CRYL1: variants seen among roughly 807,000 people sequenced by gnomAD.
The protein encoded by CRYL1 is lambda-crystallin homolog.
A neutral mutation model predicts 36.6 loss-of-function variants in CRYL1; 29 were observed. The observed-to-expected ratio is 0.79, with a 90% CI of 0.59 to 1.08. The LOEUF (loss-of-function observed/expected upper bound fraction) is 1.08, where lower values mean the gene tolerates loss of function less well. CRYL1 is among the 50% of genes least tolerant of loss of function. The pLI is 0.00. For synonymous variants in CRYL1, 152 were observed against 151.5 expected (o/e 1.00, Z -0.02); for missense variants, 411 against 407.9 (o/e 1.01, Z -0.06).
rs1565983712 is a variant in CRYL1, at chr13:20,497,390, CTACACACACACCACCACACACACAACTA to C, written c.150-7922_150-7895del. Among the ~76,000 whole-genome samples the C allele has an allele frequency of 4.5e-3, 19 of 4,202 alleles. 1 individual carries two copies. Among genetic ancestry groups the C allele is most frequent in the Admixed American group, 0.014 (3 of 210 alleles). 2.8% of individuals were successfully genotyped at this position (4,202 alleles called of 152,430 possible). ...CAACTACACACACCGCATATACACA[CTACACACACACCACCACACACACAACTA>C]CACACACACCACCATACACACAACT... is the stretch of plus-strand genomic sequence containing the variant. On this transcript the variant is annotated intron_variant, in intron 2 of 7. Transcript: ENST00000298248.
At chr13:20,496,987 A>G (rs981509652) in intron 2 of CRYL1, among the ~76,000 whole-genome samples, 2 of 152,168 alleles carry the variant, frequency 1.3e-5, no homozygotes, top group African/African-American at 4.8e-5. Flanking sequence ...GAAAGCTAAA[A>G]CTTAGGCATG....
chr13:20,496,377 A>T (rs966308899), intron 2 of CRYL1, among the ~76,000 whole-genome samples: 1 of 152,348 alleles, frequency 6.6e-6, no homozygotes, highest in African/African-American at 2.4e-5. Context: ...TAAAATGGCA[A>T]AGATGGCCAA....
intron 3 of CRYL1, among the ~76,000 whole-genome samples, chr13:20,487,226 T>C (rs552170998): frequency 6.7e-6 from 1 of 148,928 alleles, no homozygotes; most frequent in East Asian, 2.0e-4. Context: ...ATTTATAAAG[T>C]AGCTATAGAA....
At chr13:20,484,062 C>T (rs1011635711) in intron 3 of CRYL1, among the ~76,000 whole-genome samples, 10 of 152,164 alleles carry the variant, frequency 6.6e-5, no homozygotes, top group Admixed American at 1.3e-4. Context: ...GTGATCTGCC[C>T]GCCTTGGCCT....
intron 5 of CRYL1, among the ~76,000 whole-genome samples, chr13:20,423,432 ACTT>A (rs1339228909): frequency 2.0e-5 from 3 of 152,158 alleles, no homozygotes; most frequent in Admixed American, 1.3e-4. Flanking sequence ...GTTGAGGAAC[ACTT>A]CTTCTATATC....
intron 3 of CRYL1, among the ~76,000 whole-genome samples, chr13:20,475,505 A>T (rs918500802): frequency 1.3e-5 from 2 of 152,186 alleles, no homozygotes; most frequent in Admixed American, 1.3e-4. Context: ...TTGGGGGTGG[A>T]GAGTGGGTAT....
rs548301800 is a variant in CRYL1 at position 20,415,537 on chromosome 13, G to A, written c.634-2150C>T. Among the ~76,000 whole-genome samples the A allele has an allele frequency of 1.3e-5, 2 of 152,314 alleles. No homozygotes were observed. The highest frequency in any genetic ancestry group is 2.4e-5 in the African/African-American group (1 of 41,582). On this transcript the variant is annotated intron_variant, in intron 5 of 7. Transcript: ENST00000298248. The surrounding 1 kb of genome is among the most constrained non-coding windows in gnomAD (Gnocchi z 4.1). ...CAGCCACGCCACCACCGGCGAGGGC[G>A]AGGGCCAGGGCCACTCACTGTGACC...
chr13:20,430,574 CA>C (rs2032037095), intron 5 of CRYL1: 1 of 985,316 alleles, frequency 1.0e-6, no homozygotes, highest in African/African-American at 1.7e-5. Flanking sequence ...CCTCCAGCAG[CA>C]AAAGGAAACA....
In CRYL1 at chr13:20,507,762, T is replaced by TA. The variant is rs201842888; in HGVS notation, c.149+4680dup. On this transcript the variant is annotated intron_variant, in intron 2 of 7. Coordinates refer to ENST00000298248, the MANE Select transcript of CRYL1 (RefSeq NM_015974.3). ...TGAAACCCCGTCTCTACTAAAAATA[T>TA]AAAAAATTAGCTGGGCGTGGTGGCG... Among the ~76,000 whole-genome samples the TA allele has an allele frequency of 7.3e-3, 1,107 of 151,558 alleles. 10 individuals are homozygous for TA. The highest frequency in any genetic ancestry group is 0.027 in the Middle Eastern group (8 of 294).
At chr13:20,496,844 CAA>C (rs33925139) in intron 2 of CRYL1, among the ~76,000 whole-genome samples, 2 of 120,488 alleles carry the variant, frequency 1.7e-5, no homozygotes, top group African/African-American at 6.6e-5. Flanking sequence ...GACCCCGTCT[CAA>C]AAAAAAAAAA....
At chr13:20,485,829 A>G (rs2033386276) in intron 3 of CRYL1, among the ~76,000 whole-genome samples, 2 of 152,288 alleles carry the variant, frequency 1.3e-5, no homozygotes, top group Admixed American at 6.5e-5. Flanking sequence ...TCCTTGCAGG[A>G]TTCTAATCAG....
At position 20,512,432 on chromosome 13, in the gene CRYL1, G is replaced by A. The variant is rs116554061; in HGVS notation, c.149+11C>T. Reference sequence around the variant, plus strand: ...ACTTCCATTCCTTCTGGAGAGCGCCGGCTGGCCCACCTGATGTTTTCCAGG... The same window carrying A: ...ACTTCCATTCCTTCTGGAGAGCGCCAGCTGGCCCACCTGATGTTTTCCAGG... On this transcript the variant is annotated intron_variant, in intron 2 of 7. Coordinates refer to ENST00000298248, the MANE Select transcript of CRYL1 (RefSeq NM_015974.3). 3,564 of 1,597,862 alleles carry A rather than the reference G, an allele frequency of 2.2e-3. 70 individuals carry two copies. In the African/African-American group the frequency reaches 0.041, roughly 18 times the overall value.
rs572596378 is a variant in CRYL1 at position 20,439,693 on chromosome 13, A to G, written c.338T>C (p.Ile113Thr). The change falls in exon 4 of 8, where the codon ATT becomes ACT. Residue 113 changes from isoleucine to threonine, a missense_variant. Transcript: ENST00000298248. ...ACTGCTTAAGATCACTCGATCATCA[A>G]TGATGGAATCTAACTGAGCAAAAAT... ...KKIFAQLDSI[I>T]DDRVILSSST... 1.5e-5 allele frequency: 25 copies of G among 1,614,124 alleles called. No homozygotes were observed. The highest frequency in any genetic ancestry group is 2.7e-5 in the African/African-American group (2 of 75,042).
intron 1 of CRYL1, 59 bp from the exon 2 acceptor site, chr13:20,512,609 C>T (rs1210387558): frequency 1.6e-5 from 20 of 1,284,088 alleles, no homozygotes; most frequent in Non-Finnish European, 2.2e-5. Flanking sequence ...GCTTTTCATT[C>T]CTAACCCAGA....
chr13:20,489,236 A>G (rs1280834302), intron 3 of CRYL1, 134 bp downstream of exon 3: 1 of 1,062,174 alleles, frequency 9.4e-7, no homozygotes, highest in African/African-American at 1.6e-5. Flanking sequence ...CCTATCACAT[A>G]AAACAAAATC....
At chr13:20,445,506 C>A (rs1233794435) in intron 3 of CRYL1, among the ~76,000 whole-genome samples, 2 of 152,176 alleles carry the variant, frequency 1.3e-5, no homozygotes, top group Non-Finnish European at 2.9e-5. Flanking sequence ...GAGATATGCT[C>A]CTAGCCTACC....
chr13:20,431,898 A>C, intron 5 of CRYL1: 1 of 1,514,904 alleles, frequency 6.6e-7, no homozygotes, highest in Non-Finnish European at 8.8e-7. Flanking sequence ...CCTCTCAGGC[A>C]GACAGTGAAT....
intron 3 of CRYL1, among the ~76,000 whole-genome samples, chr13:20,475,183 C>T (rs2033141138): frequency 6.6e-6 from 1 of 152,152 alleles, no homozygotes; most frequent in Non-Finnish European, 1.5e-5. Flanking sequence ...CCATCCGCCA[C>T]CTCAGGAGCA....
At chr13:20,483,430 C>T (rs991555077) in intron 3 of CRYL1, among the ~76,000 whole-genome samples, 1 of 151,502 alleles carries the variant, frequency 6.6e-6, no homozygotes, top group Non-Finnish European at 1.5e-5. Context: ...CCTGGGTTCA[C>T]GCCATCTGGA....
Sources: allele counts gnomAD v4.1 joint callset (sites outside exome capture counted in the v4.1 genomes callset), GRCh38; gene constraint gnomAD v4.1.1; non-coding constraint Gnocchi (gnomAD v3.1); transcripts MANE v1.5; gene names NCBI Gene and HGNC (gene_info 2026-07-23, HGNC 2026-07-21).